GARIN5B: variants seen among roughly 807,000 people sequenced by gnomAD.
The protein encoded by GARIN5B is golgi associated RAB2 interactor family member 5B, also known as Golgi-associated RAB2 interactor protein 5B.
the GARIN5B span, chr19:55,362,843 T>C: frequency 7.8e-5 from 114 of 1,469,796 alleles, no homozygotes; most frequent in African/African-American, 1.5e-3. Flanking sequence ...CCGTTCCCTC[T>C]CAAGATCCCC....
At chr19:55,355,375 T>G in the GARIN5B span, 3 of 1,549,280 alleles carry the variant, frequency 1.9e-6, no homozygotes, top group South Asian at 2.4e-5. Context: ...CAGAGAGAGC[T>G]TTGGGGGACA....
chr19:55,357,011 C>T, the GARIN5B span, among the ~76,000 whole-genome samples: 1 of 152,058 alleles, frequency 6.6e-6, no homozygotes, highest in Non-Finnish European at 1.5e-5. Context: ...GAGCTGAGAT[C>T]GCGCCACTGC....
At chr19:55,360,823 G>A in the GARIN5B span, 1,202,131 of 1,550,322 alleles carry the variant, frequency 0.78, 470,947 homozygotes, top group East Asian at 0.88. Flanking sequence ...GCCACACACT[G>A]TGGCAAGGGG....
the GARIN5B span, chr19:55,358,694 G>T: frequency 6.4e-7 from 1 of 1,550,976 alleles, no homozygotes; most frequent in Non-Finnish European, 8.7e-7. Flanking sequence ...CTGCGGAGTC[G>T]CCAAGAGCCA....
the GARIN5B span, among the ~76,000 whole-genome samples, chr19:55,361,587 G>C: frequency 0.94 from 135,257 of 143,612 alleles, 63,797 homozygotes; most frequent in Non-Finnish European, 0.98. Flanking sequence ...CCGCTCCTCC[G>C]TCAGACCCAG....
chr19:55,355,960 C>G, the GARIN5B span, among the ~76,000 whole-genome samples: 1 of 147,454 alleles, frequency 6.8e-6, no homozygotes, highest in East Asian at 1.9e-4. Context: ...GCACTTCAGT[C>G]TGGGCAACAT....
the GARIN5B span, chr19:55,362,485 G>A: frequency 3.9e-6 from 6 of 1,546,372 alleles, no homozygotes; most frequent in African/African-American, 1.4e-5. Context: ...AGAGGTGGAC[G>A]AGGTCCAGGG....
the GARIN5B span, chr19:55,361,363 C>G: frequency 1.2e-5 from 18 of 1,537,376 alleles, no homozygotes; most frequent in African/African-American, 2.2e-4. Context: ...TCTGTCCCTG[C>G]GACGGGGAGA....
the GARIN5B span, chr19:55,362,672 C>T: frequency 5.1e-5 from 79 of 1,545,628 alleles, 1 homozygote; most frequent in South Asian, 7.0e-4. Flanking sequence ...GAGGCGGCCA[C>T]GCCCATGGCC....
At chr19:55,360,804 G>A in the GARIN5B span, 10 of 1,551,394 alleles carry the variant, frequency 6.4e-6, no homozygotes, top group South Asian at 2.4e-5. Context: ...CTTTGGGGCA[G>A]GAACCAGAGC....
At chr19:55,362,225 C>G in the GARIN5B span, 1 of 1,508,106 alleles carries the variant, frequency 6.6e-7, no homozygotes. Context: ...ATGCCCTGGT[C>G]TGTGGAGCTG....
At chr19:55,362,245 C>A in the GARIN5B span, 2 of 1,528,954 alleles carry the variant, frequency 1.3e-6, no homozygotes, top group Non-Finnish European at 8.8e-7. Flanking sequence ...GGGATCCCAC[C>A]TGCAGGTGCC....
the GARIN5B span, chr19:55,363,066 T>C: frequency 1.3e-6 from 2 of 1,495,242 alleles, no homozygotes; most frequent in South Asian, 2.7e-5. This position sits in a 1 kb window ranked among gnomAD's most constrained non-coding sequence, Gnocchi z 4.0. Context: ...AGCCAGATCA[T>C]GGTGGCTGTG....
At chr19:55,363,143 C>T in the GARIN5B span, 5 of 1,380,864 alleles carry the variant, frequency 3.6e-6, no homozygotes, top group Non-Finnish European at 3.8e-6. The surrounding 1 kb of genome is among the most constrained non-coding windows in gnomAD (Gnocchi z 4.0). Context: ...GGCCCACCAG[C>T]CTTGACCCGT....
chr19:55,359,181 C>T, the GARIN5B span: 14 of 1,551,340 alleles, frequency 9.0e-6, no homozygotes, highest in African/African-American at 5.5e-5. Flanking sequence ...ACGTCAAAAT[C>T]GCCAGGGAGC....
the GARIN5B span, chr19:55,362,094 T>C: frequency 1.8e-6 from 2 of 1,085,910 alleles, no homozygotes; most frequent in Non-Finnish European, 1.2e-6. Flanking sequence ...CTCCCTCGAC[T>C]CAGGGGTCCA....
the GARIN5B span, chr19:55,361,518 C>T: frequency 7.4e-7 from 1 of 1,347,902 alleles, no homozygotes; most frequent in Non-Finnish European, 9.8e-7. Context: ...CCCCCTCCTG[C>T]TCCCAGGACC....
the GARIN5B span, chr19:55,362,751 G>A: frequency 1.3e-5 from 20 of 1,521,788 alleles, no homozygotes; most frequent in Non-Finnish European, 1.8e-5. Flanking sequence ...GCCAGGGAGA[G>A]GGGGCTGGGA....
At chr19:55,363,001 A>G in the GARIN5B span, 1 of 1,487,980 alleles carries the variant, frequency 6.7e-7, no homozygotes, top group African/African-American at 1.4e-5. This position sits in a 1 kb window ranked among gnomAD's most constrained non-coding sequence, Gnocchi z 4.0. Context: ...GCTCCCCCAG[A>G]ACAGGGACCC....
Sources: allele counts gnomAD v4.1 joint callset (sites outside exome capture counted in the v4.1 genomes callset), GRCh38; gene constraint gnomAD v4.1.1; non-coding constraint Gnocchi (gnomAD v3.1); transcripts MANE v1.5; gene names NCBI Gene and HGNC (gene_info 2026-07-23, HGNC 2026-07-21).